MYOM1: variants seen among roughly 807,000 people sequenced by gnomAD.
The protein encoded by MYOM1 is myomesin-1.
A neutral mutation model predicts 205.3 loss-of-function variants in MYOM1; 164 were observed. The ratio of observed to expected loss-of-function variants is 0.80; its 90% CI spans 0.70 to 0.91. The LOEUF is 0.91. Ranked by LOEUF, MYOM1 falls within the 40% of genes least tolerant of loss-of-function variation. The probability of loss-of-function intolerance (pLI) is 0.00; values close to 1 mark genes in which losing one functional copy is unlikely to be tolerated. For synonymous variants in MYOM1, 772 were observed against 789.4 expected (o/e 0.98, Z 0.37); for missense variants, 2,011 against 2,127.3 (o/e 0.95, Z 1.08).
intron 21 of MYOM1, among the ~76,000 whole-genome samples, chr18:3,113,872 T>G (rs1268206194): frequency 6.6e-6 from 1 of 152,240 alleles, no homozygotes; most frequent in Admixed American, 6.5e-5. Flanking sequence ...TTATGTGAAG[T>G]GTTTGTGACC....
intron 5 of MYOM1, among the ~76,000 whole-genome samples, chr18:3,183,752 A>G (rs1192663014): frequency 6.6e-6 from 1 of 152,204 alleles, no homozygotes; most frequent in Non-Finnish European, 1.5e-5. Flanking sequence ...CCAAAAAGGT[A>G]TAAATGCCAG....
chr18:3,157,322 A>T (rs2080315311), intron 10 of MYOM1, among the ~76,000 whole-genome samples: 1 of 151,658 alleles, frequency 6.6e-6, no homozygotes, highest in African/African-American at 2.4e-5. Context: ...TCATTCTCTC[A>T]TTCATTCTCT....
chr18:3,081,336 C>T (rs965766692), intron 33 of MYOM1, among the ~76,000 whole-genome samples: 1 of 152,124 alleles, frequency 6.6e-6, no homozygotes. Flanking sequence ...TGTCTAAGAT[C>T]ATAAGGCAAG....
At chr18:3,095,085 A>G (rs949714191) in intron 25 of MYOM1, among the ~76,000 whole-genome samples, 2 of 152,146 alleles carry the variant, frequency 1.3e-5, no homozygotes, top group East Asian at 1.9e-4. Context: ...GCATTATTCC[A>G]TATTCACTAC....
rs1038516861 is a variant in MYOM1, at chr18:3,167,545, G to A, written c.1339+1272C>T. 3.3e-5 allele frequency among the ~76,000 whole-genome samples: 5 copies of A among 152,028 alleles called. No individual in the cohort carries two copies. In the East Asian group the frequency reaches 5.8e-4, roughly 18 times the overall value. ...ACTACAGGTGTGCGCCACCACGCCC[G>A]GCTAATTTTTGTATTTTTTGGTAGA... On this transcript the variant is annotated intron_variant, in intron 9 of 37. Transcript: ENST00000356443.
At chr18:3,096,230 G>T (rs1159540598) in intron 25 of MYOM1, among the ~76,000 whole-genome samples, 1 of 152,184 alleles carries the variant, frequency 6.6e-6, no homozygotes, top group Non-Finnish European at 1.5e-5. Context: ...GTTTGCAAAT[G>T]ATCTAGTTAC....
the MYOM1 span, among the ~76,000 whole-genome samples, chr18:3,241,580 A>T: frequency 1.3e-5 from 2 of 152,192 alleles, no homozygotes; most frequent in East Asian, 3.9e-4. Flanking sequence ...CTCATGGAGA[A>T]CCTCTGCTAG....
At chr18:3,137,930 T>C (rs2079993084) in intron 14 of MYOM1, among the ~76,000 whole-genome samples, 1 of 152,208 alleles carries the variant, frequency 6.6e-6, no homozygotes, top group Non-Finnish European at 1.5e-5. Flanking sequence ...TGTAAATATG[T>C]GCAATGATTG....
intron 10 of MYOM1, among the ~76,000 whole-genome samples, chr18:3,161,735 T>A (rs2080393759): frequency 6.6e-6 from 1 of 152,234 alleles, no homozygotes; most frequent in African/African-American, 2.4e-5. Flanking sequence ...AATCCTGGGT[T>A]AGCCACTGGA....
chr18:3,224,421 G>A (rs2081343865), upstream of MYOM1, among the ~76,000 whole-genome samples: 1 of 152,166 alleles, frequency 6.6e-6, no homozygotes, highest in South Asian at 2.1e-4. Context: ...GACTGGGAGG[G>A]GCCCCTGTGA....
In MYOM1 at chr18:3,179,619, C is replaced by T. The variant is rs779846524; in HGVS notation, c.930-3485G>A. On this transcript the variant is annotated intron_variant, in intron 5 of 37. Coordinates refer to ENST00000356443, the MANE Select transcript of MYOM1 (RefSeq NM_003803.4). The surrounding 1 kb of genome is among the most constrained non-coding windows in gnomAD (Gnocchi z 4.4). ...GAAGACCCTGCAAGTTGATGCAGTGCTATTTCCTGCCAGCAGCTTCAGACA... is the reference window on the plus strand; with the variant it reads ...GAAGACCCTGCAAGTTGATGCAGTGTTATTTCCTGCCAGCAGCTTCAGACA... Among the ~76,000 whole-genome samples the T allele has an allele frequency of 2.6e-5, 4 of 152,196 alleles. No homozygotes were observed. The highest frequency in any genetic ancestry group is 4.4e-5 in the Non-Finnish European group (3 of 68,042).
chr18:3,108,433 CA>C (rs2079479662), intron 22 of MYOM1, among the ~76,000 whole-genome samples: 1 of 152,010 alleles, frequency 6.6e-6, no homozygotes, highest in Non-Finnish European at 1.5e-5. Flanking sequence ...ACATAGTAGA[CA>C]AAAAATTCTA....
At chr18:3,164,494 T>A (rs1275855870) in intron 9 of MYOM1, 55 bp from the exon 10 acceptor site, 46 of 1,477,506 alleles carry the variant, frequency 3.1e-5, no homozygotes, top group Non-Finnish European at 4.2e-5. Flanking sequence ...ATAACTTCCT[T>A]CTTGTCTCCC....
At chr18:3,095,769 T>C (rs1040135255) in intron 25 of MYOM1, among the ~76,000 whole-genome samples, 2 of 151,894 alleles carry the variant, frequency 1.3e-5, no homozygotes, top group Middle Eastern at 3.2e-3. Context: ...CCCTCTCTTC[T>C]GTATTCCTCT....
Position 3,135,641 on chromosome 18 carries a change from C to T in MYOM1, c.2115G>A (p.Gly705=), listed in dbSNP as rs759539330. 9.9e-6 allele frequency: 16 copies of T among 1,613,938 alleles called. No homozygotes were observed. The East Asian group carries it at 1.8e-4, about 18-fold the overall frequency. Residue 705 remains glycine, a synonymous_variant, in exon 15 of 38, where the codon GGG becomes GGA. Coordinates refer to ENST00000356443, the MANE Select transcript of MYOM1 (RefSeq NM_003803.4). This position sits in a 1 kb window ranked among gnomAD's most constrained non-coding sequence, Gnocchi z 4.1. ...AGCGGACACGGAAACAGTAGGATTT[C>T]CCCTCGGCCAAGTCAAACAGAGCAA... The part of the protein sequence containing the change: ...PRFALFDLAE[G]KSYCFRVRCS...
At chr18:3,129,911 A>G (rs1329613817) in intron 17 of MYOM1, among the ~76,000 whole-genome samples, 1 of 152,216 alleles carries the variant, frequency 6.6e-6, no homozygotes, top group African/African-American at 2.4e-5. Flanking sequence ...AAGAGACATC[A>G]TATTAAAGAT....
intron 2 of MYOM1, among the ~76,000 whole-genome samples, chr18:3,198,265 C>T (rs1445859749): frequency 2.6e-5 from 4 of 152,258 alleles, no homozygotes; most frequent in East Asian, 1.9e-4. Context: ...CCTATCAGCA[C>T]GTTTCAGAGA....
chr18:3,118,790 G>A (rs1276741508), intron 20 of MYOM1, among the ~76,000 whole-genome samples: 1 of 152,122 alleles, frequency 6.6e-6, no homozygotes, highest in Non-Finnish European at 1.5e-5. Context: ...AATACCAACT[G>A]GCCTCAAGGA....
At chr18:3,231,621 C>A in the MYOM1 span, among the ~76,000 whole-genome samples, 1 of 149,354 alleles carries the variant, frequency 6.7e-6, no homozygotes, top group Non-Finnish European at 1.5e-5. Flanking sequence ...CTCGCTACAA[C>A]CTCTGCCTCC....
Sources: allele counts gnomAD v4.1 joint callset (sites outside exome capture counted in the v4.1 genomes callset), GRCh38; gene constraint gnomAD v4.1.1; non-coding constraint Gnocchi (gnomAD v3.1); transcripts MANE v1.5; gene names NCBI Gene and HGNC (gene_info 2026-07-23, HGNC 2026-07-21).